Variants in EXT2 observed in about 807,000 individuals in gnomAD.
EXT2 encodes the protein exostosin glycosyltransferase 2, also known as exostosin-2.
A neutral mutation model predicts 81.6 loss-of-function variants in EXT2; 53 were observed. That is an observed-to-expected ratio of 0.65 (90% CI 0.52 to 0.82). EXT2 has a LOEUF of 0.82. Among genes scored for constraint, EXT2 ranks in the 40% least tolerant of loss-of-function variants. The pLI, the probability that EXT2 is intolerant of heterozygous loss-of-function variation, is 0.00. For synonymous variants in EXT2, 320 were observed against 340.0 expected, an observed-to-expected ratio of 0.94 and a Z score of 0.65; for missense variants, 774 against 910.2, an observed-to-expected ratio of 0.85 and a Z score of 1.93.
At chr11:44,161,545 AG>A (rs1195627821) in intron 7 of EXT2, among the ~76,000 whole-genome samples, 5 of 152,176 alleles carry the variant, frequency 3.3e-5, no homozygotes, top group African/African-American at 7.2e-5. Flanking sequence ...ACAATTTCAT[AG>A]TTTTTAATCC....
At chr11:44,200,268 G>T (rs1264818967) in intron 9 of EXT2, among the ~76,000 whole-genome samples, 1 of 149,838 alleles carries the variant, frequency 6.7e-6, no homozygotes, top group Non-Finnish European at 1.5e-5. Flanking sequence ...CTGCTGGGAG[G>T]ATTTGTGTAG....
At chr11:44,144,253 A>G (rs747999174) in intron 7 of EXT2, 1 of 1,598,272 alleles carries the variant, frequency 6.3e-7, no homozygotes, top group South Asian at 1.1e-5. Context: ...TCAGCTCTTC[A>G]TGGAACCAGC....
chr11:44,127,313 C>A (rs137905125), intron 6 of EXT2, among the ~76,000 whole-genome samples: 2 of 152,164 alleles, frequency 1.3e-5, no homozygotes, highest in Non-Finnish European at 2.9e-5. Flanking sequence ...GGGTCCCCAA[C>A]TCCCGGGCTG....
chr11:44,223,105 A>C (rs1955799710), intron 10 of EXT2, among the ~76,000 whole-genome samples: 1 of 152,256 alleles, frequency 6.6e-6, no homozygotes, highest in African/African-American at 2.4e-5. Context: ...GAATGGCTAA[A>C]GTTAACCAAA....
rs545537340 is a variant in EXT2, at chr11:44,187,344, A to T, written c.1306-10485A>T. On this transcript the variant is annotated intron_variant, in intron 8 of 13. Transcript: ENST00000533608. ...AGGCTTGCACCACTATATCCAGCTAATTTTTTTTTTTTGTAGTGACAGGGT... is the reference window on the plus strand; with the variant it reads ...AGGCTTGCACCACTATATCCAGCTATTTTTTTTTTTTTGTAGTGACAGGGT... Among the ~76,000 whole-genome samples, 838 of 147,236 alleles carry T rather than the reference A, an allele frequency of 5.7e-3. 13 individuals are homozygous for T. The highest frequency in any genetic ancestry group is 0.02 in the African/African-American group (794 of 40,284).
intron 7 of EXT2, among the ~76,000 whole-genome samples, chr11:44,166,220 C>T (rs1405999093): frequency 6.6e-6 from 1 of 152,052 alleles, no homozygotes; most frequent in Non-Finnish European, 1.5e-5. Flanking sequence ...GCTGTAAGGG[C>T]TAAGGGATTT....
intron 10 of EXT2, among the ~76,000 whole-genome samples, chr11:44,217,964 A>G (rs2135230907): frequency 6.6e-6 from 1 of 152,344 alleles, no homozygotes; most frequent in East Asian, 1.9e-4. Flanking sequence ...AATATTCATT[A>G]TAAAGTCAGT....
At chr11:44,128,689 T>A (rs1265518524) in intron 6 of EXT2, among the ~76,000 whole-genome samples, 1 of 152,124 alleles carries the variant, frequency 6.6e-6, no homozygotes, top group Non-Finnish European at 1.5e-5. Context: ...TCTATGAGAA[T>A]CTAGATCTGC....
rs906572237 is a variant in EXT2 at position 44,130,742 on chromosome 11, C to G, written c.1173+604C>G. Among the ~76,000 whole-genome samples the G allele has an allele frequency of 3.3e-5, 5 of 152,224 alleles. 1 individual carries two copies. The highest frequency in any genetic ancestry group is 2.0e-4 in the Admixed American group (3 of 15,284). ...AGGACATTTAATTGGGTTTAAATAT[C>G]AAGCAAGGTGAAAAAGTTAAGAAGA... On this transcript the variant is annotated intron_variant, in intron 7 of 13. Transcript: ENST00000533608.
At position 44,235,872 on chromosome 11, in the gene EXT2, G is replaced by A. The variant is rs971651536; in HGVS notation, c.1936-421G>A. Among the ~76,000 whole-genome samples the A allele has an allele frequency of 4.6e-5, 7 of 152,322 alleles. No individual in the cohort carries two copies. In the East Asian group the frequency reaches 1.4e-3, roughly 29 times the overall value. ...CCTCAAGAGCATGGTGCTGCTCATA[G>A]CATTTGCCATTAGCTGGAAAGAGGA... is the stretch of plus-strand genomic sequence containing the variant. On this transcript the variant is annotated intron_variant, in intron 12 of 13. Transcript: ENST00000533608.
chr11:44,159,008 GA>G (rs1471844459), intron 7 of EXT2, among the ~76,000 whole-genome samples: 1 of 151,746 alleles, frequency 6.6e-6, no homozygotes, highest in African/African-American at 2.4e-5. Context: ...CATCTATAGA[GA>G]TTTTTTTTCT....
chr11:44,206,783 C>G lies in EXT2; in HGVS notation c.1496-10C>G, dbSNP rs1220599708. 1 of 1,613,854 alleles carries G rather than the reference C, an allele frequency of 6.2e-7. No homozygotes were observed. The highest frequency in any genetic ancestry group is 2.2e-5 in the East Asian group (1 of 44,864). On this transcript the variant is annotated splice_polypyrimidine_tract_variant and intron_variant, in intron 9 of 13. Coordinates refer to ENST00000533608, the MANE Select transcript of EXT2 (RefSeq NM_207122.2). ...TAGGAGAATAGTAAATACCTTTTCT[C>G]TTTTTCCAGATTCTCTCTGGCCCAA...
intron 8 of EXT2, among the ~76,000 whole-genome samples, chr11:44,188,367 G>T (rs1955345576): frequency 6.6e-6 from 1 of 152,192 alleles, no homozygotes; most frequent in Non-Finnish European, 1.5e-5. Context: ...GAAACTAAAA[G>T]ATTATGTCTT....
At position 44,132,579 on chromosome 11, in the gene EXT2, C is replaced by A. The variant is rs573616258; in HGVS notation, c.1173+2441C>A. ...TGTTCCATGTGGCTGTTAAAAAACT[C>A]TATGAAATGCTTATCCCTACCAAGA... On this transcript the variant is annotated intron_variant, in intron 7 of 13. Transcript: ENST00000533608. 9.0e-4 allele frequency among the ~76,000 whole-genome samples: 137 copies of A among 152,272 alleles called. 1 individual carries two copies. The highest frequency in any genetic ancestry group is 8.9e-3 in the Admixed American group (136 of 15,296).
chr11:44,141,888 T>C (rs753604145), intron 7 of EXT2, among the ~76,000 whole-genome samples: 7 of 152,200 alleles, frequency 4.6e-5, no homozygotes, highest in Non-Finnish European at 8.8e-5. Context: ...TGAGAAATAA[T>C]GATCATTACA....
At chr11:44,164,697 T>G (rs1329086294) in intron 7 of EXT2, among the ~76,000 whole-genome samples, 3 of 151,968 alleles carry the variant, frequency 2.0e-5, no homozygotes, top group Admixed American at 1.3e-4. Context: ...CTGTGAAATC[T>G]GTGTGTTTTA....
chr11:44,202,071 C>T (rs1393704673), intron 9 of EXT2, among the ~76,000 whole-genome samples: 3 of 152,118 alleles, frequency 2.0e-5, no homozygotes, highest in Non-Finnish European at 2.9e-5. Flanking sequence ...TTGCCAAAGC[C>T]GACTTTTGGC....
At chr11:44,241,178 G>A (rs945600469) in intron 13 of EXT2, among the ~76,000 whole-genome samples, 2 of 151,998 alleles carry the variant, frequency 1.3e-5, no homozygotes, top group Non-Finnish European at 2.9e-5. Context: ...TCCAGGATCC[G>A]CTGTTAGTTC....
rs146474557 is a variant in EXT2 at position 44,107,808 on chromosome 11, T to C, written c.96T>C (p.Ile32=). The C allele has an allele frequency of 1.2e-5, 20 of 1,614,138 alleles. No individual in the cohort carries two copies. Among genetic ancestry groups the C allele is most frequent in the Non-Finnish European group, 1.6e-5 (19 of 1,180,028 alleles). Residue 32 remains isoleucine, a synonymous_variant, in exon 2 of 14, where the codon ATT becomes ATC. Coordinates refer to ENST00000533608, the MANE Select transcript of EXT2 (RefSeq NM_207122.2). The part of the protein sequence containing the change: ...HRIYYITLFS[I]VLLGLIATGM... ...TCTACTATATCACCCTCTTCTCCAT[T>C]GTCCTCCTGGGCCTCATTGCCACTG...
Sources: gnomAD v4.1 joint callset for allele counts (sites outside exome capture counted in the v4.1 genomes callset) on GRCh38, gnomAD v4.1.1 for gene constraint, MANE v1.5 for transcripts, NCBI Gene and HGNC (gene_info 2026-07-23, HGNC 2026-07-21) for gene names.